HSD17B3: variants seen among roughly 807,000 people sequenced by gnomAD.
The protein encoded by HSD17B3 is hydroxysteroid 17-beta dehydrogenase 3.
A neutral mutation model predicts 41.1 loss-of-function variants in HSD17B3; 29 were observed. The observed-to-expected ratio is 0.71, with a 90% confidence interval of 0.53 to 0.96. HSD17B3 has a LOEUF of 0.96. Ranked by LOEUF, HSD17B3 falls within the 40% of genes least tolerant of loss-of-function variation. The pLI is 0.00. For synonymous variants in HSD17B3, 126 were observed against 145.6 expected, an observed-to-expected ratio of 0.87 and a Z score of 0.97; for missense variants, 323 against 374.6, an observed-to-expected ratio of 0.86 and a Z score of 1.14.
At chr9:96,300,250 A>ACACACG (rs747577630) in intron 1 of HSD17B3, among the ~76,000 whole-genome samples, 11 of 151,122 alleles carry the variant, frequency 7.3e-5, no homozygotes, top group African/African-American at 2.7e-4. Context: ...ACACACACAC[A>ACACACG]CACGCACACA....
intron 2 of HSD17B3, among the ~76,000 whole-genome samples, chr9:96,291,355 C>T (rs1827149764): frequency 6.7e-6 from 1 of 149,264 alleles, no homozygotes; most frequent in African/African-American, 2.5e-5. Flanking sequence ...ACCCCACCCC[C>T]ACCCAACAGT....
rs199788400 is a variant in HSD17B3, at chr9:96,244,323, C to T, written c.672+6G>A. ...ATGACAAGGACTCCACAGCTGCCCA[C>T]CTCACCTGGATGATGACTTCTTTTG... is the stretch of plus-strand genomic sequence containing the variant. On this transcript the variant is annotated splice_donor_region_variant and intron_variant, in intron 9 of 10. Coordinates refer to ENST00000375263, the MANE Select transcript of HSD17B3 (RefSeq NM_000197.2). 1.2e-6 allele frequency: 2 copies of T among 1,614,114 alleles called. No homozygotes were observed. The highest frequency in any genetic ancestry group is 1.7e-6 in the Non-Finnish European group (2 of 1,179,938).
chr9:96,290,271 A>G (rs1456452398), intron 2 of HSD17B3, among the ~76,000 whole-genome samples: 2 of 152,092 alleles, frequency 1.3e-5, no homozygotes, highest in Non-Finnish European at 2.9e-5. Flanking sequence ...AGATTCGGTT[A>G]AATGCAGTGA....
chr9:96,243,326 A>T (rs1836525508), intron 9 of HSD17B3, among the ~76,000 whole-genome samples: 2 of 152,198 alleles, frequency 1.3e-5, no homozygotes, highest in African/African-American at 4.8e-5. Context: ...TCTGCATGGC[A>T]GAGAAAGGGA....
intron 2 of HSD17B3, among the ~76,000 whole-genome samples, chr9:96,285,389 C>T (rs1049401786): frequency 6.6e-6 from 1 of 152,094 alleles, no homozygotes. Context: ...AGTGAACCAA[C>T]CAGTGATCTC....
At chr9:96,272,373 A>ATCTCTCTCTCTCTCTCTC (rs373017603) in intron 2 of HSD17B3, among the ~76,000 whole-genome samples, 97 of 4,410 alleles carry the variant, frequency 0.022, 38 homozygotes, top group Non-Finnish European at 0.034. Context: ...GTAAGACTGC[A>ATCTCTCTCTCTCTCTCTC]TCTCTCTCTC....
rs200708778 is a variant in HSD17B3 at position 96,302,110 on chromosome 9, C to T, written c.-6G>A. 1.2e-6 allele frequency: 2 copies of T among 1,613,990 alleles called. No individual in the cohort carries two copies. Among genetic ancestry groups the T allele is most frequent in the Non-Finnish European group, 1.7e-6 (2 of 1,179,950 alleles). ...TGTTCCAGGACGTCCCCCATGGCTG[C>T]ACTCAACAGACTGTTTCAGCCCTGG... On this transcript the variant is annotated 5_prime_UTR_variant, in exon 1 of 11. Coordinates refer to ENST00000375263, the MANE Select transcript of HSD17B3 (RefSeq NM_000197.2).
At chr9:96,267,624 GA>G (rs1197042893) in intron 2 of HSD17B3, among the ~76,000 whole-genome samples, 1 of 151,468 alleles carries the variant, frequency 6.6e-6, no homozygotes, top group African/African-American at 2.4e-5. Flanking sequence ...TAGCAAAAAT[GA>G]AAAAAATTTA....
chr9:96,242,889 C>T (rs1320618769), intron 9 of HSD17B3, among the ~76,000 whole-genome samples: 2 of 152,182 alleles, frequency 1.3e-5, no homozygotes, highest in Non-Finnish European at 2.9e-5. Context: ...CAGACACATG[C>T]ATAATAGAAT....
intron 2 of HSD17B3, among the ~76,000 whole-genome samples, chr9:96,267,450 G>A (rs1826084129): frequency 6.6e-6 from 1 of 152,058 alleles, no homozygotes. Context: ...GAGTCACCGT[G>A]CCTGGCCAAC....
intron 2 of HSD17B3, among the ~76,000 whole-genome samples, chr9:96,263,923 T>C (rs1825953640): frequency 6.6e-6 from 1 of 152,148 alleles, no homozygotes; most frequent in African/African-American, 2.4e-5. Flanking sequence ...GTATTAACTA[T>C]AGATATACAA....
chr9:96,268,065 C>A (rs1327560869), intron 2 of HSD17B3, among the ~76,000 whole-genome samples: 1 of 152,204 alleles, frequency 6.6e-6, no homozygotes, highest in Non-Finnish European at 1.5e-5. Context: ...GCTGGGACAA[C>A]AGGTGCACGC....
chr9:96,256,304 T>G (rs2130736336), intron 2 of HSD17B3: 1 of 152,224 alleles, frequency 6.6e-6, no homozygotes, highest in South Asian at 2.1e-4. Flanking sequence ...AGTATATGTG[T>G]TGCAGAAACA....
intron 3 of HSD17B3, among the ~76,000 whole-genome samples, chr9:96,253,157 G>C (rs148602776): frequency 6.6e-6 from 1 of 152,280 alleles, no homozygotes; most frequent in East Asian, 1.9e-4. Context: ...ATTTACTGCA[G>C]CGGTTCTCAA....
intron 6 of HSD17B3, chr9:96,249,461 C>A: frequency 2.5e-6 from 1 of 407,722 alleles, no homozygotes; most frequent in Admixed American, 3.8e-5. Flanking sequence ...TTAGAATTGC[C>A]TTGGAATCCT....
intron 2 of HSD17B3, among the ~76,000 whole-genome samples, chr9:96,264,371 T>G (rs1245098194): frequency 1.3e-5 from 2 of 151,824 alleles, no homozygotes; most frequent in African/African-American, 4.8e-5. Flanking sequence ...GAGAGGGACT[T>G]TGTATGGATC....
rs555605212 is a variant in HSD17B3 at position 96,279,779 on chromosome 9, T to TC, written c.201+18636_201+18637insG. Among the ~76,000 whole-genome samples, 18 of 151,812 alleles carry TC rather than the reference T, an allele frequency of 1.2e-4. No homozygotes were observed. In the South Asian group the frequency reaches 3.7e-3, roughly 32 times the overall value. On this transcript the variant is annotated intron_variant, in intron 2 of 10. Coordinates refer to ENST00000375263, the MANE Select transcript of HSD17B3 (RefSeq NM_000197.2). ...ACAAAGAGTCTGCTTTGTCACTCTT[T>TC]TTTTTTTTTAGATGGAGTCTCGCTC...
chr9:96,301,210 T>A lies in HSD17B3; in HGVS notation c.154+741A>T, dbSNP rs181731514. Among the ~76,000 whole-genome samples, 155 of 152,228 alleles carry A rather than the reference T, an allele frequency of 1.0e-3. 1 individual carries two copies. The highest frequency in any genetic ancestry group is 1.5e-3 in the Non-Finnish European group (102 of 68,000). Reference sequence around the variant, plus strand: ...ACTCACACTTTTCTAATCCCCCCAATTAAAATTACCCAAAGGAATTACTTC... The same window carrying A: ...ACTCACACTTTTCTAATCCCCCCAAATAAAATTACCCAAAGGAATTACTTC... On this transcript the variant is annotated intron_variant, in intron 1 of 10. Coordinates refer to ENST00000375263, the MANE Select transcript of HSD17B3 (RefSeq NM_000197.2).
At chr9:96,288,441 C>A (rs1827009541) in intron 2 of HSD17B3, among the ~76,000 whole-genome samples, 1 of 152,176 alleles carries the variant, frequency 6.6e-6, no homozygotes, top group East Asian at 1.9e-4. Context: ...GTCACAAGTT[C>A]CCCCCAACCT....
Sources: allele counts gnomAD v4.1 joint callset (sites outside exome capture counted in the v4.1 genomes callset), GRCh38; gene constraint gnomAD v4.1.1; transcripts MANE v1.5; gene names NCBI Gene and HGNC (gene_info 2026-07-23, HGNC 2026-07-21).